EYA1: variants seen among roughly 807,000 people sequenced by gnomAD.
EYA1 encodes protein phosphatase EYA1.
In EYA1, 16 loss-of-function variants were observed where a neutral mutation model predicts 82.0. That is an observed-to-expected ratio of 0.20 (90% CI 0.13 to 0.30). The LOEUF (loss-of-function observed/expected upper bound fraction) is 0.30, where lower values mean the gene tolerates loss of function less well. Ranked by LOEUF, EYA1 falls within the 10% of genes least tolerant of loss-of-function variation. The probability of loss-of-function intolerance (pLI) is 1.00; values close to 1 mark genes in which losing one functional copy is unlikely to be tolerated. For missense variants in EYA1, 633 were observed against 730.7 expected, an observed-to-expected ratio of 0.87 and a Z score of 1.54; for synonymous variants, 261 against 264.4, an observed-to-expected ratio of 0.99 and a Z score of 0.12.
intron 1 of EYA1, chr8:71,356,848 G>T: frequency 1.9e-6 from 1 of 535,810 alleles, no homozygotes. Flanking sequence ...TGGAAAAGGT[G>T]CTTGGAAAAA....
intron 1 of EYA1, among the ~76,000 whole-genome samples, chr8:71,360,752 A>C (rs886929351): frequency 6.6e-6 from 1 of 152,214 alleles, no homozygotes; most frequent in Admixed American, 6.5e-5. Flanking sequence ...CAAACCTATA[A>C]AACTACACTA....
At chr8:71,426,758 A>C (rs1805262042) in intron 2 of EYA1, among the ~76,000 whole-genome samples, 1 of 152,178 alleles carries the variant, frequency 6.6e-6, no homozygotes, top group Non-Finnish European at 1.5e-5. Context: ...TAAATTCCCA[A>C]ATCTAACCTC....
At chr8:71,302,331 T>C (rs1030797607) in intron 7 of EYA1, among the ~76,000 whole-genome samples, 2 of 152,032 alleles carry the variant, frequency 1.3e-5, no homozygotes, top group East Asian at 3.9e-4. Context: ...TCCCCTGAAA[T>C]GAAGTAGGAA....
At chr8:71,341,906 A>C (rs1183677598) in intron 3 of EYA1, among the ~76,000 whole-genome samples, 21 of 152,192 alleles carry the variant, frequency 1.4e-4, no homozygotes, top group Admixed American at 1.4e-3. Context: ...GCATATATCA[A>C]TAGCAGCATG....
Position 71,488,515 on chromosome 8 carries a change from T to C in EYA1, c.33+47229A>G, listed in dbSNP as rs190729465. ...CTGTATGGTTCAATTTATATATGCA[T>C]CCCACTTAGAAGCACAGCCGATCAG... On this transcript the variant is annotated intron_variant, in intron 2 of 18. Transcript: ENST00000643681. Among the ~76,000 whole-genome samples the C allele has an allele frequency of 2.2e-3, 336 of 152,272 alleles. 2 individuals are homozygous for C. Among genetic ancestry groups the C allele is most frequent in the Non-Finnish European group, 3.9e-3 (267 of 68,024 alleles).
At chr8:71,440,640 G>A (rs1232677565) in intron 2 of EYA1, among the ~76,000 whole-genome samples, 1 of 152,106 alleles carries the variant, frequency 6.6e-6, no homozygotes, top group African/African-American at 2.4e-5. Context: ...ATATCCAGTG[G>A]GTATAAGGTG....
intron 2 of EYA1, among the ~76,000 whole-genome samples, chr8:71,397,976 C>T (rs945570955): frequency 6.6e-6 from 1 of 152,144 alleles, no homozygotes; most frequent in African/African-American, 2.4e-5. Flanking sequence ...TTCTTGGAGG[C>T]TTTGTTCATT....
At chr8:71,363,335 A>G (rs894345405), upstream of EYA1, among the ~76,000 whole-genome samples, 1 of 152,206 alleles carries the variant, frequency 6.6e-6, no homozygotes, top group Non-Finnish European at 1.5e-5. Flanking sequence ...CAAAAAATAA[A>G]AAGCTGCTAA....
chr8:71,348,716 C>CA (rs1201949901), intron 3 of EYA1, among the ~76,000 whole-genome samples: 7 of 152,182 alleles, frequency 4.6e-5, no homozygotes, highest in Non-Finnish European at 1.0e-4. Context: ...CTTTTACTCC[C>CA]AGCCATTCTC....
chr8:71,414,013 G>A (rs1354581183), intron 2 of EYA1, among the ~76,000 whole-genome samples: 1 of 152,172 alleles, frequency 6.6e-6, no homozygotes, highest in Non-Finnish European at 1.5e-5. Flanking sequence ...CTGTGTAAGG[G>A]TAGGAAAGAA....
chr8:71,316,149 C>T (rs1182148116), intron 7 of EYA1, among the ~76,000 whole-genome samples: 1 of 152,030 alleles, frequency 6.6e-6, no homozygotes, highest in Non-Finnish European at 1.5e-5. Context: ...CTTGTACCTA[C>T]CAAAATGACA....
At chr8:71,483,519 A>C (rs1362840098) in intron 2 of EYA1, among the ~76,000 whole-genome samples, 2 of 151,694 alleles carry the variant, frequency 1.3e-5, no homozygotes, top group East Asian at 3.9e-4. Context: ...ACTAGCTCAC[A>C]TTCTTTCTCC....
intron 2 of EYA1, among the ~76,000 whole-genome samples, chr8:71,392,752 G>C (rs1829352192): frequency 6.6e-6 from 1 of 152,022 alleles, no homozygotes; most frequent in Non-Finnish European, 1.5e-5. Context: ...AATTTCAAAT[G>C]TATTGCCACA....
At chr8:71,448,615 C>G (rs1758454939) in intron 2 of EYA1, among the ~76,000 whole-genome samples, 1 of 152,218 alleles carries the variant, frequency 6.6e-6, no homozygotes, top group African/African-American at 2.4e-5. Flanking sequence ...ACAGTGAATG[C>G]TGTCCAGATG....
chr8:71,198,622 T>C lies in EYA1; in HGVS notation c.*718A>G, dbSNP rs1806541043. 1 of 152,710 alleles carries C rather than the reference T, an allele frequency of 6.5e-6. No individual in the cohort carries two copies. The highest frequency in any genetic ancestry group is 2.4e-5 in the African/African-American group (1 of 41,466). 9.5% of individuals were successfully genotyped at this position (152,710 alleles called of 1,614,324 possible). On this transcript the variant is annotated 3_prime_UTR_variant, in exon 18 of 18. Coordinates refer to ENST00000340726, the MANE Select transcript of EYA1 (RefSeq NM_000503.6). ...ACAAATTTACACCAAAAATTCTTTC[T>C]GTACATGATTGTCTCAGTGATGTAC...
chr8:71,464,392 C>T (rs1263564437), intron 2 of EYA1, among the ~76,000 whole-genome samples: 1 of 152,180 alleles, frequency 6.6e-6, no homozygotes, highest in Non-Finnish European at 1.5e-5. Flanking sequence ...CTTGAAGTAC[C>T]TTTCTAAGCT....
intron 3 of EYA1, among the ~76,000 whole-genome samples, chr8:71,348,231 C>T (rs56888620): frequency 0.052 from 7,945 of 152,156 alleles, 663 homozygotes; most frequent in African/African-American, 0.18. Context: ...ACAGACCCCA[C>T]TTTATTTATA....
At position 71,199,382 on chromosome 8, in the gene EYA1, G is replaced by A. The variant is rs1806636143; in HGVS notation, c.1737C>T (p.Asp579=). 1 of 1,613,402 alleles carries A rather than the reference G, an allele frequency of 6.2e-7. No homozygotes were observed. Among genetic ancestry groups the A allele is most frequent in the East Asian group, 2.2e-5 (1 of 44,858 alleles). The change falls in exon 18 of 18, where the codon GAC becomes GAT. Residue 579 remains aspartate (D), a synonymous_variant. Transcript: ENST00000340726. ...CCAAGGCATGGTGCAGGGCCATGAG[G>A]TCCGAGTGGCTGGAGATCCTCCAGA... The part of the protein sequence containing the change: ...MPFWRISSHS[D]LMALHHALEL...
chr8:71,213,170 T>TG (rs1208548912), intron 16 of EYA1, among the ~76,000 whole-genome samples: 1 of 151,934 alleles, frequency 6.6e-6, no homozygotes, highest in East Asian at 1.9e-4. Context: ...TTTTCTGTAT[T>TG]GAAAAAAAAA....
Sources: gnomAD v4.1 joint callset for allele counts (sites outside exome capture counted in the v4.1 genomes callset) on GRCh38, gnomAD v4.1.1 for gene constraint, MANE v1.5 for transcripts, NCBI Gene and HGNC (gene_info 2026-07-23, HGNC 2026-07-21) for gene names.